The following NXNL2 variants were observed in gnomAD, a reference collection of about 807,000 sequenced individuals.
NXNL2 encodes the protein nucleoredoxin-like protein 2.
NXNL2 carries 7 observed loss-of-function variants against 11.1 expected under a neutral mutation model. That is an observed-to-expected ratio of 0.63 (90% CI 0.36 to 1.18). The LOEUF is 1.18. Ranked by LOEUF, NXNL2 falls within the 50% of genes most tolerant of loss-of-function variation. The pLI is 0.02. For missense variants in NXNL2, 233 were observed against 217.7 expected, an observed-to-expected ratio of 1.07 and a Z score of -0.44; for synonymous variants, 109 against 101.8, an observed-to-expected ratio of 1.07 and a Z score of -0.42.
rs1013225015 is a variant in NXNL2 at position 88,562,679 on chromosome 9, G to C, written c.303-8408G>C. On this transcript the variant is annotated intron_variant, in intron 1 of 2. Coordinates refer to the NXNL2 transcript ENST00000375855. ...AGGTAGGAGAATCACTTGAACCCGG[G>C]GGGTGGAGGTTGCAGTGAGCTGAGA... 2.7e-4 allele frequency among the ~76,000 whole-genome samples: 41 copies of C among 152,138 alleles called. No homozygotes were observed. In the East Asian group the frequency reaches 2.9e-3, roughly 11 times the overall value.
At chr9:88,560,237 A>C (rs1002562488) in intron 1 of NXNL2, among the ~76,000 whole-genome samples, 4 of 151,886 alleles carry the variant, frequency 2.6e-5, no homozygotes, top group African/African-American at 9.7e-5. Flanking sequence ...TCTTTCTGCC[A>C]GCGGGAGGTT....
At chr9:88,571,767 C>G (rs1274949796) in intron 2 of NXNL2, among the ~76,000 whole-genome samples, 1 of 152,192 alleles carries the variant, frequency 6.6e-6, no homozygotes, top group Non-Finnish European at 1.5e-5. Context: ...CACCATGAAT[C>G]CTTGAACACC....
intron 1 of NXNL2, among the ~76,000 whole-genome samples, chr9:88,563,733 C>T (rs117579923): frequency 6.6e-6 from 1 of 152,150 alleles, no homozygotes; most frequent in South Asian, 2.1e-4. Context: ...GACACACCAC[C>T]CTCTCCTCTC....
At chr9:88,545,748 T>A (rs1046642230), downstream of NXNL2, among the ~76,000 whole-genome samples, 3 of 152,124 alleles carry the variant, frequency 2.0e-5, no homozygotes, top group African/African-American at 7.2e-5. Flanking sequence ...AGATGAAATA[T>A]TTATTTAATT....
intron 1 of NXNL2, among the ~76,000 whole-genome samples, chr9:88,536,124 C>T (rs1377111324): frequency 1.3e-5 from 2 of 152,200 alleles, no homozygotes; most frequent in Admixed American, 6.5e-5. Flanking sequence ...CTCCCGGCGC[C>T]GCTGCGTCAT....
At chr9:88,569,837 G>A (rs1830232822) in intron 1 of NXNL2, among the ~76,000 whole-genome samples, 1 of 152,124 alleles carries the variant, frequency 6.6e-6, no homozygotes. Flanking sequence ...ATTTTAATAT[G>A]TTTTAGAATT....
chr9:88,560,921 A>G (rs1312544974), intron 1 of NXNL2, among the ~76,000 whole-genome samples: 1 of 152,180 alleles, frequency 6.6e-6, no homozygotes, highest in Non-Finnish European at 1.5e-5. Context: ...GGGGGAGGAA[A>G]GAAAAACACA....
At chr9:88,543,230 A>G (rs1829794708) in intron 1 of NXNL2, among the ~76,000 whole-genome samples, 1 of 152,130 alleles carries the variant, frequency 6.6e-6, no homozygotes, top group Non-Finnish European at 1.5e-5. Context: ...TGGAAAGTCA[A>G]GTGAAGCTCT....
chr9:88,575,412 C>G (rs1830335944), exon 3 of NXNL2: 1 of 152,398 alleles, frequency 6.6e-6, no homozygotes, highest in Non-Finnish European at 1.5e-5. Flanking sequence ...CAATGGAGTA[C>G]TCTTCAGCCA....
chr9:88,535,557 C>A lies in NXNL2; in HGVS notation c.123C>A (p.Ser41Arg). 1 of 1,608,834 alleles carries A rather than the reference C, an allele frequency of 6.2e-7. No homozygotes were observed. The highest frequency in any genetic ancestry group is 8.5e-7 in the Non-Finnish European group (1 of 1,179,120). The change falls in exon 1 of 2, where the codon AGC becomes AGA. Residue 41 changes from serine to arginine, a missense_variant. Transcript: ENST00000375854. ...TCGCGGCGGCCCGGTGCGCGCCGAGCCGCGACTTCACGCCGCTGCTCTGCG... is the reference window on the plus strand; with the variant it reads ...TCGCGGCGGCCCGGTGCGCGCCGAGACGCGACTTCACGCCGCTGCTCTGCG... The part of the protein sequence containing the change: ...LYFAAARCAP[S>R]RDFTPLLCDF...
At chr9:88,548,397 C>T (rs1229129506), downstream of NXNL2, among the ~76,000 whole-genome samples, 2 of 120,170 alleles carry the variant, frequency 1.7e-5, no homozygotes, top group African/African-American at 3.2e-5. Flanking sequence ...GGTGCTGTAG[C>T]TCATGCCTGT....
downstream of NXNL2, among the ~76,000 whole-genome samples, chr9:88,579,792 C>T (rs1387243925): frequency 6.6e-6 from 1 of 152,080 alleles, no homozygotes; most frequent in Non-Finnish European, 1.5e-5. Context: ...AAATGTCCAC[C>T]ATATGGCTAT....
At chr9:88,561,398 A>G (rs1343483038) in intron 1 of NXNL2, among the ~76,000 whole-genome samples, 2 of 152,154 alleles carry the variant, frequency 1.3e-5, no homozygotes, top group Non-Finnish European at 2.9e-5. Flanking sequence ...TTAATACTTA[A>G]TAAACTCCTC....
At chr9:88,570,977 A>C (rs535456530) in intron 1 of NXNL2, 1 of 332,204 alleles carries the variant, frequency 3.0e-6, no homozygotes, top group African/African-American at 2.3e-5. Context: ...TCCTGACCTC[A>C]GGTGATCCAC....
exon 3 of NXNL2, chr9:88,575,651 C>T (rs970169953): frequency 2.0e-5 from 3 of 151,832 alleles, no homozygotes; most frequent in African/African-American, 7.3e-5. Context: ...TTAATAGGTA[C>T]AAAAAAATAC....
At position 88,535,610 on chromosome 9, in the gene NXNL2, C is replaced by T; in HGVS notation, c.176C>T (p.Ala59Val). ...TTCTATACGGCGCTGGTGGCCGAGG[C>T]GCGGCGGCCCGCGCCCTTCGAAGTG... ...CDFYTALVAE[A>V]RRPAPFEVVF... is the part of the protein sequence containing the mutation. The change falls in exon 1 of 2, where the codon GCG becomes GTG. Residue 59 changes from alanine (A) to valine (V), a missense_variant. Ala to Val is a moderately conservative substitution (Grantham distance 64). Transcript: ENST00000375854. The T allele has an allele frequency of 6.2e-7, 1 of 1,608,300 alleles. No homozygotes were observed. The highest frequency in any genetic ancestry group is 1.1e-5 in the South Asian group (1 of 90,986).
At position 88,544,768 on chromosome 9, in the gene NXNL2, CT is replaced by C; in HGVS notation, c.*224del. The stretch of plus-strand genomic sequence containing the variant: ...TTGTATTATAGTTATTTTTGTTATT[CT>C]TTGCATACCTTTATCCACCTGTGCT... On this transcript the variant is annotated 3_prime_UTR_variant, in exon 2 of 2. Transcript: ENST00000375854. 7.8e-7 allele frequency: 1 copy of C among 1,290,166 alleles called. No homozygotes were observed. Among genetic ancestry groups the C allele is most frequent in the Non-Finnish European group, 9.8e-7 (1 of 1,022,200 alleles). 79.9% of individuals were successfully genotyped at this position (1,290,166 alleles called of 1,614,324 possible).
intron 1 of NXNL2, among the ~76,000 whole-genome samples, chr9:88,551,098 G>A (rs1587846491): frequency 2.0e-5 from 3 of 152,268 alleles, no homozygotes; most frequent in South Asian, 4.1e-4. Context: ...CTCAGAACTT[G>A]TCAGATATTC....
At chr9:88,535,771 G>A in intron 1 of NXNL2, 35 bp downstream of exon 1, 3 of 1,500,474 alleles carry the variant, frequency 2.0e-6, no homozygotes, top group Non-Finnish European at 2.7e-6. Flanking sequence ...GGGGCCGCCC[G>A]GCACGTCTCC....
Sources: gnomAD v4.1 joint callset for allele counts (sites outside exome capture counted in the v4.1 genomes callset) on GRCh38, gnomAD v4.1.1 for gene constraint, MANE v1.5 for transcripts, NCBI Gene and HGNC (gene_info 2026-07-23, HGNC 2026-07-21) for gene names.